PER2: variants seen among roughly 807,000 people sequenced by gnomAD.
PER2 encodes the protein period circadian protein homolog 2.
In PER2, 66 loss-of-function variants were observed where a neutral mutation model predicts 121.0. The ratio of observed to expected loss-of-function variants is 0.55; its 90% CI spans 0.45 to 0.67. The LOEUF (loss-of-function observed/expected upper bound fraction) is 0.67, where lower values mean the gene tolerates loss of function less well. Among genes scored for constraint, PER2 ranks in the 30% least tolerant of loss-of-function variants. The pLI, the probability that PER2 is intolerant of heterozygous loss-of-function variation, is 0.00. For missense variants in PER2, 1,521 were observed against 1,635.0 expected (o/e 0.93, Z 1.20); for synonymous variants, 684 against 659.9 (o/e 1.04, Z -0.56).
chr2:238,257,186 G>C, intron 16 of PER2, 100 bp from the exon 17 acceptor site: 1 of 1,073,940 alleles, frequency 9.3e-7, no homozygotes, highest in East Asian at 2.6e-5. Flanking sequence ...TCCACACCAG[G>C]GTGCACACAA....
chr2:238,250,484 T>C, intron 21 of PER2, 67 bp downstream of exon 21: 2 of 1,139,090 alleles, frequency 1.8e-6, no homozygotes, highest in Non-Finnish European at 1.3e-6. Flanking sequence ...GACCTTGACC[T>C]TGTTGTTTCT....
rs374038428 is a variant in PER2, at chr2:238,260,259, A to AT, written c.1543-207dup. 1.5e-3 allele frequency among the ~76,000 whole-genome samples: 219 copies of AT among 143,938 alleles called. 1 individual carries two copies. The highest frequency in any genetic ancestry group is 2.8e-3 in the East Asian group (14 of 4,956). 94.4% of individuals were successfully genotyped at this position (143,938 alleles called of 152,430 possible). A position where few individuals can be genotyped will look rare whatever the true frequency, so the allele number is the denominator to read the frequency against. On this transcript the variant is annotated intron_variant, in intron 13 of 22. Transcript: ENST00000254657. ...AAAATAAAGCAAAACGGCACATTAC[A>AT]TTTTTTTTTTTTTTTAAGACAGAGT...
In PER2 at chr2:238,268,897, T is replaced by G. The variant is rs761289854; in HGVS notation, c.824+26A>C. The stretch of plus-strand genomic sequence containing the variant: ...TGAAATGTTTATACGGTTTTCTAAT[T>G]TAAGAAAACTGGGAACCAGGCTTAC... On this transcript the variant is annotated intron_variant, in intron 7 of 22. Transcript: ENST00000254657. This position sits in a 1 kb window ranked among gnomAD's most constrained non-coding sequence, Gnocchi z 4.0. 73 of 1,567,282 alleles carry G rather than the reference T, an allele frequency of 4.7e-5. No homozygotes were observed. Among genetic ancestry groups the G allele is most frequent in the Non-Finnish European group, 6.2e-5 (71 of 1,137,404 alleles).
At chr2:238,284,092 C>T (rs948978370) in intron 1 of PER2, among the ~76,000 whole-genome samples, 4 of 152,146 alleles carry the variant, frequency 2.6e-5, no homozygotes, top group African/African-American at 7.2e-5. Flanking sequence ...TTAAATGACA[C>T]AACCCATGCA....
chr2:238,266,729 T>G (rs141046807), intron 8 of PER2, among the ~76,000 whole-genome samples: 395 of 152,232 alleles, frequency 2.6e-3, no homozygotes, highest in Non-Finnish European at 3.6e-3. Context: ...TTAAAATATT[T>G]CTATCACTTT....
chr2:238,289,997 ATC>A (rs1415391526), upstream of PER2: 20 of 152,266 alleles, frequency 1.3e-4, no homozygotes, highest in Admixed American at 7.2e-4. Context: ...AGCCCGCAGC[ATC>A]TCTCTTTACT....
At chr2:238,266,094 G>GAC (rs1696092728) in intron 8 of PER2, among the ~76,000 whole-genome samples, 1 of 151,800 alleles carries the variant, frequency 6.6e-6, no homozygotes, top group Non-Finnish European at 1.5e-5. Context: ...TAGTTGAGGT[G>GAC]GGGTTTCACC....
chr2:238,245,781 T>C lies in PER2; in HGVS notation c.*594A>G, dbSNP rs188019851. On this transcript the variant is annotated 3_prime_UTR_variant, in exon 23 of 23. Coordinates refer to ENST00000254657, the MANE Select transcript of PER2 (RefSeq NM_022817.3). ...ACAAAACCTATGTCAGACTGAAATATTGACCACACCAGAAGCCAAAGCTGT... is the reference window on the plus strand; with the variant it reads ...ACAAAACCTATGTCAGACTGAAATACTGACCACACCAGAAGCCAAAGCTGT... 3.2e-3 allele frequency: 1,267 copies of C among 397,826 alleles called. 6 individuals are homozygous for C. The highest frequency in any genetic ancestry group is 4.2e-3 in the Non-Finnish European group (954 of 225,884). 24.6% of individuals were successfully genotyped at this position (397,826 alleles called of 1,614,324 possible).
At chr2:238,255,500 C>T in intron 18 of PER2, 157 bp downstream of exon 18, 2 of 803,004 alleles carry the variant, frequency 2.5e-6, no homozygotes, top group Non-Finnish European at 4.3e-6. Flanking sequence ...GGAAGTTCTA[C>T]AGAAACAGAT....
Position 238,257,113 on chromosome 2 carries a change from A to G in PER2, c.1901-27T>C, listed in dbSNP as rs777944075. ...TTCATGAGAGGAAGGGGGAACAAAC[A>G]TTAGTGTGTCATTACAATGCACTGT... On this transcript the variant is annotated intron_variant, in intron 16 of 22. Transcript: ENST00000254657. 6 of 1,604,942 alleles carry G rather than the reference A, an allele frequency of 3.7e-6. No individual in the cohort carries two copies. In the South Asian group the frequency reaches 4.4e-5, roughly 12 times the overall value.
chr2:238,266,183 G>T (rs10204644), intron 8 of PER2, among the ~76,000 whole-genome samples: 1 of 151,982 alleles, frequency 6.6e-6, no homozygotes. Flanking sequence ...GACTACAGGC[G>T]TGAGCCACTG....
intron 22 of PER2, 78 bp downstream of exon 22, chr2:238,248,984 A>C: frequency 6.8e-7 from 1 of 1,462,754 alleles, no homozygotes; most frequent in Non-Finnish European, 9.6e-7. Context: ...TTGACAGAAA[A>C]GTTGCAAAGA....
At chr2:238,249,379 A>C (rs1695538334) in intron 21 of PER2, among the ~76,000 whole-genome samples, 167 bp from the exon 22 acceptor site, 1 of 152,228 alleles carries the variant, frequency 6.6e-6, no homozygotes, top group Non-Finnish European at 1.5e-5. Flanking sequence ...AAGAACCCGT[A>C]GTTTTTCTAT....
At chr2:238,291,663 A>T (rs1696952194), upstream of PER2, among the ~76,000 whole-genome samples, 1 of 152,170 alleles carries the variant, frequency 6.6e-6, no homozygotes, top group South Asian at 2.1e-4. Flanking sequence ...GGAGATGATA[A>T]TGCCCAACCC....
chr2:238,285,749 C>T (rs903998481), intron 1 of PER2, among the ~76,000 whole-genome samples: 1 of 150,758 alleles, frequency 6.6e-6, no homozygotes, highest in South Asian at 2.1e-4. Flanking sequence ...CCCGCGGGGA[C>T]TCACTAGCTT....
chr2:238,255,128 GGCAC>G, intron 18 of PER2: 1 of 168,178 alleles, frequency 5.9e-6, no homozygotes, highest in Non-Finnish European at 1.3e-5. Flanking sequence ...CCCCCCAAGT[GGCAC>G]CTGGCCTACA....
rs1235906035 is a variant in PER2 at position 238,263,002 on chromosome 2, A to G, written c.1103T>C (p.Val368Ala). The change falls in exon 10 of 23, where the codon GTG becomes GCG. Residue 368 changes from valine (V) to alanine (A), a missense_variant. Transcript: ENST00000254657. ...GGGCCTGTCACTAGGGTGGAGCTGC[A>G]CGAGCACTGGGGTTTCAATCAGGTC... The part of the protein sequence containing the change: ...PQDLIETPVL[V>A]QLHPSDRPLM... 1 of 1,614,136 alleles carries G rather than the reference A, an allele frequency of 6.2e-7. No homozygotes were observed. The highest frequency in any genetic ancestry group is 1.7e-5 in the Admixed American group (1 of 60,014).
At position 238,263,037 on chromosome 2, in the gene PER2, G is replaced by T. The variant is rs962187608; in HGVS notation, c.1068C>A (p.Tyr356Ter). Residue 356 changes from tyrosine (Y) to a stop codon, truncating the protein, a stop_gained, in exon 10 of 23, where the codon TAC becomes TAA. Transcript: ENST00000254657. LOFTEE classifies it high-confidence loss of function. ...GGGTTTCAATCAGGTCCTGAGGTAG[G>T]TAGCCCAGGAGAGGGACCGCCCTGG... ...VDERAVPLLG[Y>*]LPQDLIETPV... 9 of 1,613,428 alleles carry T rather than the reference G, an allele frequency of 5.6e-6. No homozygotes were observed. Among genetic ancestry groups the T allele is most frequent in the Non-Finnish European group, 7.6e-6 (9 of 1,179,476 alleles).
At chr2:238,264,288 C>G (rs1048735934) in intron 9 of PER2, among the ~76,000 whole-genome samples, 1 of 152,246 alleles carries the variant, frequency 6.6e-6, no homozygotes, top group African/African-American at 2.4e-5. Context: ...CCTCCAAGAT[C>G]CTGGTTCCAC....
Sources: gnomAD v4.1 joint callset for allele counts (sites outside exome capture counted in the v4.1 genomes callset) on GRCh38, gnomAD v4.1.1 for gene constraint, Gnocchi (gnomAD v3.1) non-coding constraint, MANE v1.5 for transcripts, NCBI Gene and HGNC (gene_info 2026-07-23, HGNC 2026-07-21) for gene names.